The following CASC3 variants were observed in gnomAD, a reference collection of about 807,000 sequenced individuals.
CASC3 encodes CASC3 exon junction complex subunit.
In CASC3, 30 loss-of-function variants were observed where a neutral mutation model predicts 80.5. The ratio of observed to expected loss-of-function variants is 0.37; its 90% confidence interval spans 0.28 to 0.51. The LOEUF (loss-of-function observed/expected upper bound fraction) is 0.51, where lower values mean the gene tolerates loss of function less well. Ranked by LOEUF, CASC3 falls within the 20% of genes least tolerant of loss-of-function variation. The probability of loss-of-function intolerance (pLI) is 0.94; values close to 1 mark genes in which losing one functional copy is unlikely to be tolerated. For synonymous variants in CASC3, 312 were observed against 333.6 expected, an observed-to-expected ratio of 0.94 and a Z score of 0.70; for missense variants, 824 against 922.2, an observed-to-expected ratio of 0.89 and a Z score of 1.38.
In CASC3 at chr17:40,150,048, A is replaced by T. The variant is rs557269943; in HGVS notation, c.297+8441A>T. Among the ~76,000 whole-genome samples the T allele has an allele frequency of 7.2e-5, 11 of 152,076 alleles. No homozygotes were observed. In the East Asian group the frequency reaches 2.1e-3, roughly 29 times the overall value. On this transcript the variant is annotated intron_variant, in intron 3 of 13. Coordinates refer to ENST00000264645, the MANE Select transcript of CASC3 (RefSeq NM_007359.5). Reference sequence around the variant, plus strand: ...TTACAAAGAAGTGGGAAGGAAAGGAAGTTAGCGTTCCTTTCTGTGTTTTGT... The same window carrying T: ...TTACAAAGAAGTGGGAAGGAAAGGATGTTAGCGTTCCTTTCTGTGTTTTGT...
At chr17:40,156,471 G>A (rs989223134) in intron 3 of CASC3, among the ~76,000 whole-genome samples, 3 of 152,058 alleles carry the variant, frequency 2.0e-5, no homozygotes, top group Non-Finnish European at 4.4e-5. Flanking sequence ...CGGATCATGA[G>A]GTCAGGAGAT....
intron 3 of CASC3, among the ~76,000 whole-genome samples, chr17:40,152,854 G>A (rs1989046147): frequency 6.6e-6 from 1 of 152,084 alleles, no homozygotes. Flanking sequence ...TCGGCTCACT[G>A]CAGTCTCTGC....
chr17:40,167,362 A>G (rs1235259899), intron 8 of CASC3, 136 bp from the exon 9 acceptor site: 6 of 619,732 alleles, frequency 9.7e-6, no homozygotes, highest in Non-Finnish European at 1.7e-5. Flanking sequence ...TCTTTTCATT[A>G]TTTTTCAGCT....
intron 3 of CASC3, among the ~76,000 whole-genome samples, chr17:40,149,494 AT>A (rs1244223697): frequency 6.6e-6 from 1 of 152,010 alleles, no homozygotes; most frequent in Admixed American, 6.6e-5. Flanking sequence ...TCAAGAGGTG[AT>A]TTGGATGTTT....
intron 3 of CASC3, among the ~76,000 whole-genome samples, chr17:40,154,760 C>G (rs1416381299): frequency 6.6e-6 from 1 of 152,078 alleles, no homozygotes; most frequent in Non-Finnish European, 1.5e-5. Context: ...GAGTCATTTG[C>G]CAAACTGAGA....
chr17:40,164,133 C>A lies in CASC3; in HGVS notation c.1438C>A (p.Gln480Lys). Residue 480 changes from glutamine to lysine, a missense_variant, in exon 7 of 14, where the codon CAG (glutamine) becomes AAG (lysine). Around this residue, in one of 3 missense-constraint regions of CASC3, gnomAD observed 464 missense variants for 506.0 expected, o/e 0.92. Coordinates refer to ENST00000264645, the MANE Select transcript of CASC3 (RefSeq NM_007359.5). Reference sequence around the variant, plus strand: ...AGCAGAACAGAATTGGAGTCCGGGGCAGCCTTCTTTCCTGCAACCACGGGA... The same window carrying A: ...AGCAGAACAGAATTGGAGTCCGGGGAAGCCTTCTTTCCTGCAACCACGGGA... ...NIAEQNWSPG[Q>K]PSFLQPRELR... The A allele has an allele frequency of 6.2e-7, 1 of 1,610,114 alleles. No individual in the cohort carries two copies. The highest frequency in any genetic ancestry group is 1.3e-5 in the African/African-American group (1 of 74,990).
intron 3 of CASC3, among the ~76,000 whole-genome samples, chr17:40,154,106 T>TG (rs1989082211): frequency 8.7e-6 from 1 of 115,258 alleles, no homozygotes; most frequent in Non-Finnish European, 1.7e-5. Flanking sequence ...ATGCTGAGCG[T>TG]TTTTTTTTTT....
At chr17:40,170,077 T>G (rs1046317084) in intron 13 of CASC3, among the ~76,000 whole-genome samples, 2 of 150,946 alleles carry the variant, frequency 1.3e-5, no homozygotes, top group African/African-American at 4.9e-5. Flanking sequence ...CTTTAAGTTA[T>G]AATAATCATG....
At chr17:40,169,527 C>T (rs1435951984) in intron 12 of CASC3, 71 bp from the exon 13 acceptor site, 8 of 1,576,782 alleles carry the variant, frequency 5.1e-6, no homozygotes, top group Non-Finnish European at 6.9e-6. Context: ...CCCTCATTTT[C>T]TGGGTGTGTT....
chr17:40,149,924 A>G (rs1598422747), intron 3 of CASC3, among the ~76,000 whole-genome samples: 1 of 151,840 alleles, frequency 6.6e-6, no homozygotes, highest in Admixed American at 6.6e-5. Context: ...AAAAAAAGGG[A>G]AAAAAAAGAG....
intron 7 of CASC3, among the ~76,000 whole-genome samples, chr17:40,164,918 G>C (rs558190081): frequency 6.8e-6 from 1 of 145,992 alleles, no homozygotes; most frequent in East Asian, 2.0e-4. Flanking sequence ...ACCACACCTG[G>C]CTAATTTTTT....
chr17:40,167,304 T>G (rs562326227), intron 8 of CASC3, 194 bp from the exon 9 acceptor site: 28 of 586,654 alleles, frequency 4.8e-5, no homozygotes, highest in African/African-American at 4.3e-4. Flanking sequence ...TTCTTTTAAT[T>G]TGGATCTCCT....
intron 3 of CASC3, among the ~76,000 whole-genome samples, chr17:40,142,405 T>C (rs946790323): frequency 2.6e-5 from 4 of 152,176 alleles, no homozygotes; most frequent in Non-Finnish European, 4.4e-5. Flanking sequence ...ACTGAATCCA[T>C]CTTAGGCAGT....
In CASC3 at chr17:40,140,613, G is replaced by T. The variant is rs184119888; in HGVS notation, c.65G>T (p.Gly22Val). Residue 22 changes from glycine (G) to valine (V), a missense_variant, in exon 1 of 14, where the codon GGC (glycine) becomes GTC (valine). By Grantham distance (109) the Gly-to-Val change is moderately radical (BLOSUM62 -3). Coordinates refer to ENST00000264645, the MANE Select transcript of CASC3 (RefSeq NM_007359.5). The part of the protein sequence containing the change: ...DTEDEESGAS[G>V]SDSGGSPLRG... ...GAGGACGAGGAATCTGGTGCTTCGG[G>T]CTCCGACAGCGGCGGCTCCCCGTTG... The T allele has an allele frequency of 1.9e-6, 3 of 1,611,008 alleles. No homozygotes were observed. Among genetic ancestry groups the T allele is most frequent in the Non-Finnish European group, 2.5e-6 (3 of 1,179,406 alleles).
At chr17:40,153,780 C>CT (rs961342203) in intron 3 of CASC3, among the ~76,000 whole-genome samples, 23 of 147,248 alleles carry the variant, frequency 1.6e-4, no homozygotes, top group Admixed American at 2.7e-4. Flanking sequence ...CTGTCTAAAA[C>CT]TTTTTTTTTT....
chr17:40,142,900 CA>C (rs771451520), intron 3 of CASC3, among the ~76,000 whole-genome samples: 45 of 139,560 alleles, frequency 3.2e-4, no homozygotes, highest in African/African-American at 5.5e-4. Flanking sequence ...GACTCCGTCT[CA>C]AAAAAAAAAA....
intron 3 of CASC3, among the ~76,000 whole-genome samples, chr17:40,157,358 TA>T (rs1227608652): frequency 6.8e-4 from 100 of 147,910 alleles, no homozygotes; most frequent in African/African-American, 2.3e-3. Context: ...AATAAATAAA[TA>T]AATAAATAAA....
chr17:40,168,680 T>A (rs1182699473), intron 11 of CASC3: 1 of 415,398 alleles, frequency 2.4e-6, no homozygotes, highest in African/African-American at 2.0e-5. Flanking sequence ...AACCTCCACC[T>A]CTTGGGTTCA....
At chr17:40,140,885 CT>C (rs1369021876) in intron 1 of CASC3, 106 bp downstream of exon 1, 60 of 913,308 alleles carry the variant, frequency 6.6e-5, no homozygotes, top group Non-Finnish European at 7.7e-5. Flanking sequence ...GATACTGGGA[CT>C]TTTTTTTGTT....
Sources: allele counts gnomAD v4.1 joint callset (sites outside exome capture counted in the v4.1 genomes callset), GRCh38; gene constraint gnomAD v4.1.1; regional missense constraint gnomAD v4.1.1; transcripts MANE v1.5; gene names NCBI Gene and HGNC (gene_info 2026-07-23, HGNC 2026-07-21).